CALCRL: variants seen among roughly 807,000 people sequenced by gnomAD.
CALCRL encodes the protein calcitonin receptor like receptor.
Under a neutral mutation model 60.4 loss-of-function variants are expected in CALCRL, and 27 were observed. That is an observed-to-expected ratio of 0.45 (90% CI 0.33 to 0.62). CALCRL has a LOEUF of 0.62. Among genes scored for constraint, CALCRL ranks in the 20% least tolerant of loss-of-function variants. The pLI is 0.03. For missense variants in CALCRL, 424 were observed against 540.7 expected (o/e 0.78, Z 2.14); for synonymous variants, 190 against 182.6 (o/e 1.04, Z -0.33).
intron 1 of CALCRL, among the ~76,000 whole-genome samples, chr2:187,401,163 A>G (rs933287789): frequency 2.0e-5 from 3 of 151,614 alleles, no homozygotes; most frequent in African/African-American, 7.2e-5. Flanking sequence ...GTGTACGGGT[A>G]TAGCTTAGTA....
rs1484278444 is a variant in CALCRL at position 187,405,600 on chromosome 2, G to C, written c.-292-17844C>G. Among the ~76,000 whole-genome samples the C allele has an allele frequency of 2.0e-5, 3 of 152,100 alleles. No individual in the cohort carries two copies. In the East Asian group the frequency reaches 5.8e-4, roughly 30 times the overall value. On this transcript the variant is annotated intron_variant, in intron 1 of 14. Coordinates refer to ENST00000392370, the MANE Select transcript of CALCRL (RefSeq NM_005795.6). ...ACAAACACAGACTCTAAAATGACTT[G>C]TGTATTTGCATTATTACTCTTGATT...
At chr2:187,442,951 T>TAAAACCAG (rs1052415379) in intron 1 of CALCRL, among the ~76,000 whole-genome samples, 5 of 151,918 alleles carry the variant, frequency 3.3e-5, no homozygotes, top group African/African-American at 1.2e-4. Context: ...ATATGTAGGA[T>TAAAACCAG]AAAACCAGAG....
At chr2:187,435,533 G>C (rs996200703) in intron 1 of CALCRL, among the ~76,000 whole-genome samples, 1 of 152,086 alleles carries the variant, frequency 6.6e-6, no homozygotes, top group Non-Finnish European at 1.5e-5. Context: ...AACTATATCA[G>C]TATGGTATAC....
In CALCRL at chr2:187,389,067, TTC is replaced by T. The variant is rs1201003018; in HGVS notation, c.-292-1313_-292-1312del. ...TCATACTTTTCTCTATTACTTCTTC[TTC>T]TTTTTTTTTTTTTTTGAGAAAGAGT... On this transcript the variant is annotated intron_variant, in intron 1 of 14. Coordinates refer to ENST00000392370, the MANE Select transcript of CALCRL (RefSeq NM_005795.6). Among the ~76,000 whole-genome samples the T allele has an allele frequency of 4.3e-4, 37 of 85,392 alleles. No homozygotes were observed. In the South Asian group the frequency reaches 0.012, roughly 28 times the overall value. 56.0% of individuals were successfully genotyped at this position (85,392 alleles called of 152,430 possible). A position where few individuals can be genotyped will look rare whatever the true frequency, so the allele number is the denominator to read the frequency against.
At chr2:187,385,704 A>G (rs1559054662) in intron 3 of CALCRL, 73 bp from the exon 4 acceptor site, 3 of 769,108 alleles carry the variant, frequency 3.9e-6, no homozygotes, top group Non-Finnish European at 6.3e-6. Flanking sequence ...TCAACAGAAA[A>G]TTTATTTTAA....
In CALCRL at chr2:187,351,801, A is replaced by G. The variant is rs914057762; in HGVS notation, c.1170+119T>C. ...GATTCTATGGTTCTTTCCCTGATGGAAACAGAATTTAACATGGTTGTTCCT... is the reference window on the plus strand; with the variant it reads ...GATTCTATGGTTCTTTCCCTGATGGGAACAGAATTTAACATGGTTGTTCCT... On this transcript the variant is annotated intron_variant, in intron 14 of 14. Coordinates refer to ENST00000392370, the MANE Select transcript of CALCRL (RefSeq NM_005795.6). The G allele has an allele frequency of 7.5e-6, 5 of 669,762 alleles. No homozygotes were observed. In the Admixed American group the frequency reaches 1.5e-4, roughly 20 times the overall value. The allele number at this position is 669,762 out of a possible 1,614,324, so 41.5% of individuals were successfully genotyped here.
intron 9 of CALCRL, among the ~76,000 whole-genome samples, chr2:187,361,599 T>G (rs933814391): frequency 2.0e-5 from 3 of 152,002 alleles, no homozygotes; most frequent in African/African-American, 7.2e-5. Context: ...TTGTTAATAT[T>G]GGGTCATCAC....
chr2:187,396,567 T>TA (rs1688662467), intron 1 of CALCRL, among the ~76,000 whole-genome samples: 1 of 151,656 alleles, frequency 6.6e-6, no homozygotes, highest in African/African-American at 2.4e-5. Context: ...TAAGACACAT[T>TA]AAAAAATGAT....
intron 14 of CALCRL, among the ~76,000 whole-genome samples, chr2:187,350,655 G>A (rs1228906136): frequency 6.6e-6 from 1 of 151,528 alleles, no homozygotes; most frequent in Non-Finnish European, 1.5e-5. Flanking sequence ...TTTATTATAT[G>A]TCAAGATGAG....
At chr2:187,444,686 C>T (rs1232124720) in intron 1 of CALCRL, among the ~76,000 whole-genome samples, 1 of 151,478 alleles carries the variant, frequency 6.6e-6, no homozygotes, top group Non-Finnish European at 1.5e-5. Flanking sequence ...ACTCAGTTCA[C>T]AGGCAGTGAT....
At chr2:187,411,599 A>G (rs1269183351) in intron 1 of CALCRL, among the ~76,000 whole-genome samples, 1 of 152,124 alleles carries the variant, frequency 6.6e-6, no homozygotes, top group African/African-American at 2.4e-5. Context: ...AAGATGTAGA[A>G]TCGGTGTCAA....
At chr2:187,383,961 C>T (rs920636013) in intron 4 of CALCRL, among the ~76,000 whole-genome samples, 1 of 150,868 alleles carries the variant, frequency 6.6e-6, no homozygotes, top group African/African-American at 2.4e-5. Context: ...TTCCACGTGA[C>T]TTTTTTTCTG....
chr2:187,410,977 A>G (rs1376741670), intron 1 of CALCRL, among the ~76,000 whole-genome samples: 13 of 152,112 alleles, frequency 8.5e-5, no homozygotes, highest in Admixed American at 1.3e-4. Context: ...ACTTTTATAT[A>G]AAAGAATAAA....
chr2:187,446,594 T>G (rs1167096066), intron 1 of CALCRL, among the ~76,000 whole-genome samples: 1 of 151,724 alleles, frequency 6.6e-6, no homozygotes, highest in Non-Finnish European at 1.5e-5. Flanking sequence ...GTTTTAATTT[T>G]TGTTACTAAC....
intron 8 of CALCRL, 137 bp from the exon 9 acceptor site, chr2:187,363,639 C>T (rs1459790367): frequency 3.3e-6 from 3 of 897,054 alleles, no homozygotes; most frequent in Non-Finnish European, 4.7e-6. Context: ...AAGATCCACT[C>T]ATTACAAAAA....
At chr2:187,349,571 G>GA (rs1475189384) in intron 14 of CALCRL, among the ~76,000 whole-genome samples, 2 of 151,654 alleles carry the variant, frequency 1.3e-5, no homozygotes, top group Non-Finnish European at 3.0e-5. Flanking sequence ...GAATCATACT[G>GA]AAACAGGGAT....
intron 1 of CALCRL, among the ~76,000 whole-genome samples, chr2:187,437,117 T>G (rs1229928402): frequency 6.6e-6 from 1 of 152,204 alleles, no homozygotes; most frequent in Non-Finnish European, 1.5e-5. Context: ...GCCTTCACAT[T>G]GCATTTGTAA....
intron 13 of CALCRL, 33 bp from the exon 14 acceptor site, chr2:187,351,994 A>C (rs767713700): frequency 6.3e-7 from 1 of 1,577,838 alleles, no homozygotes; most frequent in Middle Eastern, 1.7e-4. Context: ...TCTGAATCCA[A>C]ATGGAAAGAT....
At chr2:187,384,086 T>C (rs534663250) in intron 4 of CALCRL, among the ~76,000 whole-genome samples, 1 of 152,176 alleles carries the variant, frequency 6.6e-6, no homozygotes, top group South Asian at 2.1e-4. Flanking sequence ...TTCCTTTGCC[T>C]CCTCATTGTA....
Sources: allele counts gnomAD v4.1 joint callset (sites outside exome capture counted in the v4.1 genomes callset), GRCh38; gene constraint gnomAD v4.1.1; transcripts MANE v1.5; gene names NCBI Gene and HGNC (gene_info 2026-07-23, HGNC 2026-07-21).